The following PCDH15 variants were observed in gnomAD, a reference collection of about 807,000 sequenced individuals.
PCDH15 encodes protocadherin-15.
A neutral mutation model predicts 178.5 loss-of-function variants in PCDH15; 129 were observed. That is an observed-to-expected ratio of 0.72 (90% CI 0.63 to 0.84). The LOEUF (loss-of-function observed/expected upper bound fraction) is 0.84, where lower values mean the gene tolerates loss of function less well. Among genes scored for constraint, PCDH15 ranks in the 40% least tolerant of loss-of-function variants. The pLI is 0.00. For missense variants in PCDH15, 2,230 were observed against 2,099.9 expected, an observed-to-expected ratio of 1.06 and a Z score of -1.21; for synonymous variants, 800 against 732.0, an observed-to-expected ratio of 1.09 and a Z score of -1.50.
At chr10:55,233,406 T>C (rs1248370113) in intron 1 of PCDH15, among the ~76,000 whole-genome samples, 3 of 152,154 alleles carry the variant, frequency 2.0e-5, no homozygotes, top group South Asian at 2.1e-4. Flanking sequence ...TTTTTAGAGA[T>C]AAAACTTAAA....
intron 1 of PCDH15, among the ~76,000 whole-genome samples, chr10:54,718,758 C>T (rs573295974): frequency 1.8e-4 from 24 of 136,446 alleles, no homozygotes; most frequent in African/African-American, 6.5e-4. Context: ...GTGGTACAAT[C>T]TCGGCTCACT....
chr10:53,969,056 C>T (rs769267442), intron 21 of PCDH15, among the ~76,000 whole-genome samples: 3 of 152,130 alleles, frequency 2.0e-5, no homozygotes, highest in Non-Finnish European at 4.4e-5. Flanking sequence ...TAACAAACTT[C>T]TCCGAGCTAA....
chr10:54,445,146 CT>C lies in PCDH15; in HGVS notation c.158-66205del, dbSNP rs373669448. 4.9e-3 allele frequency among the ~76,000 whole-genome samples: 748 copies of C among 151,268 alleles called. 3 individuals are homozygous for C. Among genetic ancestry groups the C allele is most frequent in the African/African-American group, 0.017 (713 of 41,376 alleles). On this transcript the variant is annotated intron_variant, in intron 3 of 37. Coordinates refer to ENST00000644397, the MANE Select transcript of PCDH15 (RefSeq NM_001384140.1). Reference sequence around the variant, plus strand: ...TGCTCCTCTGAGTCAAAGCCCTTGACTTTTCACTTCTCAATTGTTTTGTTTG... The same window carrying C: ...TGCTCCTCTGAGTCAAAGCCCTTGACTTTCACTTCTCAATTGTTTTGTTTG...
chr10:54,964,001 A>G (rs535999415), intron 2 of PCDH15, among the ~76,000 whole-genome samples: 8 of 152,266 alleles, frequency 5.3e-5, no homozygotes, highest in African/African-American at 1.4e-4. Flanking sequence ...TGGGGAAAAA[A>G]GAATTAGGGA....
intron 10 of PCDH15, among the ~76,000 whole-genome samples, chr10:54,199,570 C>CAAT (rs68082093): frequency 0.028 from 4,011 of 142,506 alleles, 70 homozygotes; most frequent in South Asian, 0.075. Context: ...ACAACAACAA[C>CAAT]AATAATAATA....
At chr10:53,930,808 G>A (rs987226436) in intron 25 of PCDH15, among the ~76,000 whole-genome samples, 1 of 152,134 alleles carries the variant, frequency 6.6e-6, no homozygotes, top group African/African-American at 2.4e-5. Context: ...ATTTGAAACT[G>A]AACTCCCATC....
At chr10:53,820,041 ATTTCT>A in intron 33 of PCDH15, 119 bp downstream of exon 33, 1 of 392,292 alleles carries the variant, frequency 2.5e-6, no homozygotes, top group Non-Finnish European at 4.5e-6. Context: ...GACTTCTCTT[ATTTCT>A]TTTGTTACTA....
At chr10:55,461,577 A>G (rs1300141016) in intron 2 of PCDH15, among the ~76,000 whole-genome samples, 1 of 152,058 alleles carries the variant, frequency 6.6e-6, no homozygotes, top group Non-Finnish European at 1.5e-5. Flanking sequence ...GGCTCATTTT[A>G]TAATAAAACC....
At chr10:54,833,478 G>A (rs1245201031) in intron 3 of PCDH15, among the ~76,000 whole-genome samples, 1 of 152,130 alleles carries the variant, frequency 6.6e-6, no homozygotes, top group Non-Finnish European at 1.5e-5. Flanking sequence ...TTACTGAAGA[G>A]GGAGAAATTC....
chr10:54,581,673 A>G (rs1464650956), intron 2 of PCDH15, among the ~76,000 whole-genome samples: 1 of 152,126 alleles, frequency 6.6e-6, no homozygotes, highest in Non-Finnish European at 1.5e-5. Flanking sequence ...GACTTCAGCT[A>G]TACAATAAGT....
intron 8 of PCDH15, among the ~76,000 whole-genome samples, chr10:54,246,943 T>C (rs976867878): frequency 1.3e-5 from 2 of 151,934 alleles, no homozygotes; most frequent in Non-Finnish European, 2.9e-5. Context: ...TCTTGGACAT[T>C]TGTAAAGTGC....
chr10:55,474,859 C>CA (rs1359909328), intron 2 of PCDH15, among the ~76,000 whole-genome samples: 1 of 152,064 alleles, frequency 6.6e-6, no homozygotes. Context: ...ATTCTGCCTT[C>CA]AAAATATACT....
At chr10:54,716,076 G>A (rs920442948) in intron 1 of PCDH15, among the ~76,000 whole-genome samples, 2 of 152,086 alleles carry the variant, frequency 1.3e-5, no homozygotes, top group African/African-American at 4.8e-5. Flanking sequence ...ACATCTCCTG[G>A]TTCTCACAGG....
chr10:54,626,804 A>G (rs1412005449), intron 2 of PCDH15, among the ~76,000 whole-genome samples: 1 of 152,116 alleles, frequency 6.6e-6, no homozygotes, highest in Non-Finnish European at 1.5e-5. Context: ...AGATCCACTG[A>G]CAGCTTGCAC....
chr10:54,274,544 C>A (rs2058236732), intron 8 of PCDH15, among the ~76,000 whole-genome samples: 1 of 151,638 alleles, frequency 6.6e-6, no homozygotes, highest in African/African-American at 2.4e-5. Flanking sequence ...ATAAAATAAG[C>A]AGCCAACACT....
chr10:53,995,072 T>C (rs1385528734), intron 21 of PCDH15: 2 of 152,598 alleles, frequency 1.3e-5, no homozygotes, highest in African/African-American at 4.8e-5. Flanking sequence ...TTTTTATATG[T>C]ATACTATTAA....
At chr10:54,521,101 T>C (rs541926818) in intron 3 of PCDH15, among the ~76,000 whole-genome samples, 36 of 148,934 alleles carry the variant, frequency 2.4e-4, no homozygotes, top group African/African-American at 8.3e-4. Context: ...TTAGGAGATA[T>C]ACCTAATGCT....
intron 2 of PCDH15, among the ~76,000 whole-genome samples, chr10:54,556,181 G>C (rs909703012): frequency 6.6e-6 from 1 of 152,120 alleles, no homozygotes; most frequent in African/African-American, 2.4e-5. Context: ...TGCTACCTGA[G>C]ATTATGTATT....
chr10:54,690,744 C>T (rs915459153), intron 1 of PCDH15, among the ~76,000 whole-genome samples: 4 of 152,000 alleles, frequency 2.6e-5, no homozygotes, highest in African/African-American at 4.8e-5. Context: ...TATCAACTAA[C>T]GTTTGTCAGT....
Sources: gnomAD v4.1 joint callset for allele counts (sites outside exome capture counted in the v4.1 genomes callset) on GRCh38, gnomAD v4.1.1 for gene constraint, MANE v1.5 for transcripts, NCBI Gene and HGNC (gene_info 2026-07-23, HGNC 2026-07-21) for gene names.